SPEF2: variants seen among roughly 807,000 people sequenced by gnomAD.
SPEF2 encodes the protein sperm flagella and cilia-associated protein 2.
SPEF2 carries 187 observed loss-of-function variants against 224.6 expected under a neutral mutation model. That is an observed-to-expected ratio of 0.83 (90% confidence interval 0.74 to 0.94). The LOEUF is 0.94. Among genes scored for constraint, SPEF2 ranks in the 40% least tolerant of loss-of-function variants. The pLI is 0.00. For synonymous variants in SPEF2, 715 were observed against 707.3 expected (o/e 1.01, Z -0.17); for missense variants, 2,170 against 2,135.6 (o/e 1.02, Z -0.32).
Position 35,640,748 on chromosome 5 carries a change from A to G in SPEF2, c.162-683A>G, listed in dbSNP as rs192165664. 4.4e-4 allele frequency among the ~76,000 whole-genome samples: 67 copies of G among 152,306 alleles called. No homozygotes were observed. In the East Asian group the frequency reaches 9.4e-3, roughly 21 times the overall value. ...ATATCTTGCTAAATATTTATGTTAA[A>G]AGAGTTACTAGTACACAGAGGAAAC... On this transcript the variant is annotated intron_variant, in intron 2 of 36. Coordinates refer to ENST00000356031, the MANE Select transcript of SPEF2 (RefSeq NM_024867.4).
chr5:35,661,269 T>TAG (rs1179609729), intron 8 of SPEF2, among the ~76,000 whole-genome samples: 2 of 24,936 alleles, frequency 8.0e-5, no homozygotes, highest in African/African-American at 6.4e-4. Flanking sequence ...TATATATATA[T>TAG]ATATATATAT....
chr5:35,713,692 T>G (rs1741689678), intron 20 of SPEF2, among the ~76,000 whole-genome samples: 1 of 147,970 alleles, frequency 6.8e-6, no homozygotes, highest in Admixed American at 7.0e-5. Context: ...GAGCCAAGAC[T>G]GCGCCACTGC....
intron 10 of SPEF2, among the ~76,000 whole-genome samples, chr5:35,680,444 T>A (rs1752629500): frequency 1.3e-5 from 2 of 152,214 alleles, no homozygotes; most frequent in African/African-American, 4.8e-5. Context: ...AATTACTAAA[T>A]TTGAATTTCA....
chr5:35,646,959 A>C, intron 5 of SPEF2, 152 bp downstream of exon 5: 1 of 818,778 alleles, frequency 1.2e-6, no homozygotes, highest in Non-Finnish European at 1.9e-6. Context: ...CTTCCACTAT[A>C]TGCATATTCA....
chr5:35,638,126 C>T (rs1436752506), intron 2 of SPEF2, among the ~76,000 whole-genome samples: 1 of 152,152 alleles, frequency 6.6e-6, no homozygotes, highest in Non-Finnish European at 1.5e-5. Context: ...CTTTATATCT[C>T]TAGGGCTTAA....
chr5:35,690,983 AC>A (rs1304936239), intron 10 of SPEF2, 53 bp from the exon 11 acceptor site: 20 of 1,440,414 alleles, frequency 1.4e-5, no homozygotes, highest in Non-Finnish European at 2.9e-6. Context: ...TATTTCATAT[AC>A]CTAAATTCCA....
chr5:35,623,240 G>A (rs184590603), intron 1 of SPEF2, among the ~76,000 whole-genome samples: 3 of 152,264 alleles, frequency 2.0e-5, no homozygotes, highest in Admixed American at 6.5e-5. Flanking sequence ...GTACCCAGCC[G>A]GTTTCTAGGA....
intron 3 of SPEF2, among the ~76,000 whole-genome samples, chr5:35,642,924 T>A (rs10043903): frequency 0.6 from 90,710 of 151,948 alleles, 27,665 homozygotes; most frequent in East Asian, 0.74. Context: ...GAATAATTTA[T>A]TATTGCATTC....
At chr5:35,812,950 G>A (rs1758629422) in intron 36 of SPEF2, among the ~76,000 whole-genome samples, 2 of 152,182 alleles carry the variant, frequency 1.3e-5, no homozygotes, top group African/African-American at 4.8e-5. Flanking sequence ...CAAAGCACCA[G>A]TGTCAAACAT....
intron 3 of SPEF2, chr5:35,643,581 A>T (rs1746906044): frequency 6.6e-6 from 3 of 455,738 alleles, no homozygotes; most frequent in Non-Finnish European, 1.3e-5. Flanking sequence ...CAAGATGGAA[A>T]GAGGCCCTCT....
At chr5:35,709,320 T>G (rs1740637521) in intron 19 of SPEF2, 199 bp downstream of exon 19, 1 of 1,401,370 alleles carries the variant, frequency 7.1e-7, no homozygotes, top group Non-Finnish European at 9.2e-7. Flanking sequence ...TTCTTTGCCA[T>G]GTAGGAGGAG....
At chr5:35,683,187 T>C (rs1166491919) in intron 10 of SPEF2, among the ~76,000 whole-genome samples, 1 of 152,118 alleles carries the variant, frequency 6.6e-6, no homozygotes, top group Admixed American at 6.5e-5. Context: ...GAGAGGCATG[T>C]GAGTGCTTTG....
At chr5:35,743,440 A>C (rs6881747) in intron 23 of SPEF2, among the ~76,000 whole-genome samples, 10,265 of 152,178 alleles carry the variant, frequency 0.067, 1,121 homozygotes, top group African/African-American at 0.23. Flanking sequence ...ACAACATACA[A>C]AATTTCTACT....
intron 30 of SPEF2, among the ~76,000 whole-genome samples, chr5:35,783,575 T>C (rs1754645421): frequency 6.6e-6 from 1 of 152,198 alleles, no homozygotes; most frequent in African/African-American, 2.4e-5. Context: ...AAGTATTCTA[T>C]TATCCAAAAT....
chr5:35,673,482 G>T (rs1053726144), intron 10 of SPEF2, among the ~76,000 whole-genome samples: 1 of 152,170 alleles, frequency 6.6e-6, no homozygotes, highest in Non-Finnish European at 1.5e-5. Context: ...CATGGCTATG[G>T]TTTCCTGAAG....
intron 30 of SPEF2, chr5:35,789,253 G>C: frequency 1.4e-6 from 1 of 703,122 alleles, no homozygotes; most frequent in Non-Finnish European, 2.6e-6. Context: ...CCCACTTCTT[G>C]TTGGATGTCA....
At chr5:35,734,730 T>G (rs997126393) in intron 21 of SPEF2, among the ~76,000 whole-genome samples, 1 of 132,342 alleles carries the variant, frequency 7.6e-6, no homozygotes, top group Admixed American at 8.6e-5. Flanking sequence ...TTTTTTTTTT[T>G]CAGACAGAGT....
At chr5:35,712,981 A>T (rs1447296533) in intron 20 of SPEF2, 95 bp downstream of exon 20, 1 of 1,080,474 alleles carries the variant, frequency 9.3e-7, no homozygotes, top group African/African-American at 1.6e-5. Context: ...GTATACATTG[A>T]CCACTTCTCT....
At chr5:35,635,327 A>G in intron 2 of SPEF2, among the ~76,000 whole-genome samples, 1 of 152,132 alleles carries the variant, frequency 6.6e-6, no homozygotes, top group East Asian at 1.9e-4. Flanking sequence ...TATTGTTGAA[A>G]TGGTATTCTC....
Sources: allele counts gnomAD v4.1 joint callset (sites outside exome capture counted in the v4.1 genomes callset), GRCh38; gene constraint gnomAD v4.1.1; transcripts MANE v1.5; gene names NCBI Gene and HGNC (gene_info 2026-07-23, HGNC 2026-07-21).